L3MBTL4: variants seen among roughly 807,000 people sequenced by gnomAD.
The protein encoded by L3MBTL4 is lethal(3)malignant brain tumor-like protein 4.
L3MBTL4 carries 70 observed loss-of-function variants against 84.5 expected under a neutral mutation model. The observed-to-expected ratio is 0.83, with a 90% CI of 0.68 to 1.01. The LOEUF (loss-of-function observed/expected upper bound fraction) is 1.01. L3MBTL4 is among the 50% of genes least tolerant of loss of function. L3MBTL4 has a pLI of 0.00. For missense variants in L3MBTL4, 715 were observed against 754.8 expected, an observed-to-expected ratio of 0.95 and a Z score of 0.62; for synonymous variants, 274 against 259.8, an observed-to-expected ratio of 1.05 and a Z score of -0.52.
chr18:5,957,397 T>TAAA (rs927218921), intron 18 of L3MBTL4, among the ~76,000 whole-genome samples: 50 of 152,252 alleles, frequency 3.3e-4, no homozygotes, highest in African/African-American at 1.2e-3. Flanking sequence ...ATTTTTAAAT[T>TAAA]AAAAAGATAT....
chr18:6,061,779 C>T (rs1251702956), intron 16 of L3MBTL4, among the ~76,000 whole-genome samples: 1 of 151,778 alleles, frequency 6.6e-6, no homozygotes, highest in Non-Finnish European at 1.5e-5. Flanking sequence ...ATCAATTATA[C>T]TTCTAAATTA....
intron 16 of L3MBTL4, among the ~76,000 whole-genome samples, chr18:6,036,126 C>G (rs1405495645): frequency 6.6e-6 from 1 of 152,174 alleles, no homozygotes; most frequent in Admixed American, 6.5e-5. Flanking sequence ...TCAACATTCT[C>G]TGTCTTTTGA....
chr18:6,266,074 T>C (rs892003750), intron 4 of L3MBTL4, among the ~76,000 whole-genome samples: 11 of 152,304 alleles, frequency 7.2e-5, no homozygotes, highest in East Asian at 5.8e-4. Flanking sequence ...CCCATAAATA[T>C]ATACAATTAT....
intron 1 of L3MBTL4, among the ~76,000 whole-genome samples, chr18:6,328,032 T>C (rs1431468530): frequency 6.6e-6 from 1 of 152,232 alleles, no homozygotes; most frequent in Admixed American, 6.5e-5. Flanking sequence ...AAGTTCCTAC[T>C]GTGTGCCAAG....
At chr18:6,006,330 G>A (rs910789107) in intron 16 of L3MBTL4, among the ~76,000 whole-genome samples, 3 of 152,090 alleles carry the variant, frequency 2.0e-5, no homozygotes, top group Non-Finnish European at 4.4e-5. Context: ...GGAGGCATGA[G>A]GTCAAAGACA....
chr18:6,302,842 T>C (rs901774523), intron 3 of L3MBTL4, among the ~76,000 whole-genome samples: 4 of 151,708 alleles, frequency 2.6e-5, no homozygotes, highest in Non-Finnish European at 5.9e-5. Context: ...AAAGAAAAAA[T>C]AAGCTGGACG....
chr18:6,189,962 T>C (rs1164798988), intron 12 of L3MBTL4, among the ~76,000 whole-genome samples: 1 of 152,182 alleles, frequency 6.6e-6, no homozygotes, highest in Non-Finnish European at 1.5e-5. Flanking sequence ...AGAATCAATG[T>C]CTGAAGAGAT....
chr18:6,093,474 G>C lies in L3MBTL4; in HGVS notation c.1254C>G (p.His418Gln). 6.2e-7 allele frequency: 1 copy of C among 1,613,904 alleles called. No homozygotes were observed. The highest frequency in any genetic ancestry group is 8.5e-7 in the Non-Finnish European group (1 of 1,179,956). ...DMNLKKEATL[H>Q]DRLREQTQAN... ...CCTGTGTTTGTTCTCTCAAACGATC[G>C]TGAAGTGTTGCCTCCTTTTTCAAGT... The change falls in exon 15 of 19, where the codon CAC becomes CAG. Residue 418 changes from histidine (H) to glutamine (Q), a missense_variant. His to Gln is a conservative substitution (Grantham distance 24). Transcript: ENST00000317931.
At chr18:6,146,855 A>G (rs905065540) in intron 13 of L3MBTL4, among the ~76,000 whole-genome samples, 2 of 152,132 alleles carry the variant, frequency 1.3e-5, no homozygotes, top group East Asian at 1.9e-4. Flanking sequence ...AGTGAGGATG[A>G]GCAGTGGGGC....
chr18:6,304,560 C>T (rs2050497778), intron 3 of L3MBTL4, among the ~76,000 whole-genome samples: 1 of 152,208 alleles, frequency 6.6e-6, no homozygotes, highest in Admixed American at 6.5e-5. Flanking sequence ...GATGCTACTG[C>T]CAAAAGTATA....
intron 16 of L3MBTL4, among the ~76,000 whole-genome samples, chr18:6,076,773 T>C (rs1280921629): frequency 6.6e-6 from 1 of 152,238 alleles, no homozygotes; most frequent in Non-Finnish European, 1.5e-5. Flanking sequence ...TTATGAAATT[T>C]GGGGATTTTT....
intron 16 of L3MBTL4, chr18:6,030,578 T>G: frequency 3.9e-6 from 3 of 762,704 alleles, no homozygotes; most frequent in Non-Finnish European, 4.8e-6. Flanking sequence ...CTCAGCTCAC[T>G]GCCTCCACCT....
chr18:5,966,249 T>C (rs963619610), intron 17 of L3MBTL4, among the ~76,000 whole-genome samples: 3 of 152,144 alleles, frequency 2.0e-5, no homozygotes, highest in Non-Finnish European at 4.4e-5. Flanking sequence ...CTAACAGTGG[T>C]GTCTATTCTT....
intron 14 of L3MBTL4, among the ~76,000 whole-genome samples, chr18:6,106,562 T>C (rs999351159): frequency 1.3e-5 from 2 of 152,200 alleles, no homozygotes; most frequent in African/African-American, 4.8e-5. Flanking sequence ...GATAATTTCT[T>C]ATGGGGACAA....
chr18:6,309,495 T>C (rs2050734390), intron 3 of L3MBTL4, among the ~76,000 whole-genome samples: 1 of 152,258 alleles, frequency 6.6e-6, no homozygotes, highest in South Asian at 2.1e-4. Flanking sequence ...AAAATTCATT[T>C]GCATGGAGAT....
intron 12 of L3MBTL4, among the ~76,000 whole-genome samples, chr18:6,206,511 A>G (rs952163400): frequency 6.6e-6 from 1 of 152,176 alleles, no homozygotes; most frequent in Non-Finnish European, 1.5e-5. Context: ...GGAGTTATCC[A>G]GGGAGTTCTA....
At chr18:6,401,965 C>T (rs1167217259) in intron 1 of L3MBTL4, among the ~76,000 whole-genome samples, 3 of 152,196 alleles carry the variant, frequency 2.0e-5, no homozygotes, top group Non-Finnish European at 4.4e-5. Flanking sequence ...ATCAAGGAAG[C>T]GGAGACATAA....
At chr18:6,137,580 T>C (rs2060061386) in intron 14 of L3MBTL4, among the ~76,000 whole-genome samples, 1 of 151,942 alleles carries the variant, frequency 6.6e-6, no homozygotes, top group African/African-American at 2.4e-5. Context: ...CAGTCTTAAT[T>C]TATATATGTT....
chr18:6,386,690 C>T (rs2054834348), intron 1 of L3MBTL4, among the ~76,000 whole-genome samples: 1 of 152,054 alleles, frequency 6.6e-6, no homozygotes, highest in Non-Finnish European at 1.5e-5. Flanking sequence ...TGTAGAAGTC[C>T]TGAGATGGCT....
Sources: gnomAD v4.1 joint callset for allele counts (sites outside exome capture counted in the v4.1 genomes callset) on GRCh38, gnomAD v4.1.1 for gene constraint, MANE v1.5 for transcripts, NCBI Gene and HGNC (gene_info 2026-07-23, HGNC 2026-07-21) for gene names.